The following LDB2 variants were observed in gnomAD, a reference collection of about 807,000 sequenced individuals.
LDB2 encodes LIM domain binding 2.
Under a neutral mutation model 44.3 loss-of-function variants are expected in LDB2, and 12 were observed. The observed-to-expected ratio is 0.27, with a 90% CI of 0.17 to 0.44. LDB2 has a LOEUF of 0.44. Ranked by LOEUF, LDB2 falls within the 20% of genes least tolerant of loss-of-function variation. The pLI is 1.00. For missense variants in LDB2, 344 were observed against 473.5 expected (o/e 0.73, Z 2.54); for synonymous variants, 164 against 174.8 (o/e 0.94, Z 0.49).
At chr4:16,681,644 T>C (rs1196698734) in intron 2 of LDB2, among the ~76,000 whole-genome samples, 1 of 98,588 alleles carries the variant, frequency 1.0e-5, no homozygotes, top group Non-Finnish European at 2.2e-5. Flanking sequence ...TTTTTTTTTT[T>C]GCGACAGAGT....
chr4:16,843,611 T>C (rs892779900), intron 1 of LDB2, among the ~76,000 whole-genome samples: 5 of 152,208 alleles, frequency 3.3e-5, no homozygotes, highest in African/African-American at 1.2e-4. Flanking sequence ...TTTATAAATT[T>C]GTATTTCTTT....
At chr4:16,782,011 G>C (rs1342153048) in intron 1 of LDB2, among the ~76,000 whole-genome samples, 2 of 152,222 alleles carry the variant, frequency 1.3e-5, no homozygotes, top group African/African-American at 4.8e-5. Context: ...AACTGCGAGA[G>C]AGTGAATTTC....
intron 5 of LDB2, among the ~76,000 whole-genome samples, chr4:16,513,940 C>T (rs1722730888): frequency 6.6e-6 from 1 of 152,164 alleles, no homozygotes; most frequent in Admixed American, 6.5e-5. Context: ...TAAGAGCTGA[C>T]CATAAAGAAA....
At chr4:16,674,677 A>C (rs1214672294) in intron 2 of LDB2, among the ~76,000 whole-genome samples, 1 of 152,194 alleles carries the variant, frequency 6.6e-6, no homozygotes, top group Admixed American at 6.5e-5. Context: ...ATTTTCTATT[A>C]CATCAGTTGG....
At chr4:16,787,362 C>T (rs764769314) in intron 1 of LDB2, among the ~76,000 whole-genome samples, 3 of 152,074 alleles carry the variant, frequency 2.0e-5, no homozygotes, top group Non-Finnish European at 4.4e-5. Flanking sequence ...CCTGTAATCC[C>T]AGCATTTTGG....
At chr4:16,538,455 T>TGA (rs998846353) in intron 5 of LDB2, among the ~76,000 whole-genome samples, 1 of 122,878 alleles carries the variant, frequency 8.1e-6, no homozygotes, top group African/African-American at 2.9e-5. Context: ...CAAAACACAA[T>TGA]GACCAAGATT....
chr4:16,687,564 T>G (rs1018819873), intron 2 of LDB2, among the ~76,000 whole-genome samples: 1 of 152,114 alleles, frequency 6.6e-6, no homozygotes, highest in African/African-American at 2.4e-5. Context: ...ATGGAAATAA[T>G]AATAAAGAAG....
At chr4:16,725,887 GTATA>G (rs58989204) in intron 2 of LDB2, among the ~76,000 whole-genome samples, 2,893 of 146,114 alleles carry the variant, frequency 0.02, 84 homozygotes, top group African/African-American at 0.067. Context: ...ATATTTATGT[GTATA>G]TATATATATA....
At chr4:16,893,548 T>G (rs1420860167) in intron 1 of LDB2, among the ~76,000 whole-genome samples, 1 of 152,064 alleles carries the variant, frequency 6.6e-6, no homozygotes, top group East Asian at 1.9e-4. Context: ...GTTTTAGAGT[T>G]GAGCTGAGAA....
rs577425784 is a variant in LDB2 at position 16,593,659 on chromosome 4, T to C, written c.408+2044A>G. On this transcript the variant is annotated intron_variant, in intron 3 of 7. Transcript: ENST00000304523. ...TTCAAGAGTCGGCAAATATACTTCC[T>C]TGGAGTCGCATCAGATGGGTGGTCC... 7.2e-5 allele frequency among the ~76,000 whole-genome samples: 11 copies of C among 152,288 alleles called. No individual in the cohort carries two copies. The South Asian group carries it at 2.3e-3, about 32-fold the overall frequency.
chr4:16,591,093 T>C (rs1468209426), intron 3 of LDB2, among the ~76,000 whole-genome samples: 1 of 152,174 alleles, frequency 6.6e-6, no homozygotes, highest in African/African-American at 2.4e-5. Context: ...TATAATCCTT[T>C]TTAAAGGGGG....
intron 2 of LDB2, among the ~76,000 whole-genome samples, chr4:16,646,856 A>C (rs1241262226): frequency 4.6e-5 from 7 of 152,224 alleles, no homozygotes; most frequent in Non-Finnish European, 8.8e-5. Context: ...TATTAATAGA[A>C]AAGGGGAAAA....
rs1254187320 is a variant in LDB2 at position 16,739,752 on chromosome 4, A to G, written c.235+19406T>C. 1.0e-4 allele frequency among the ~76,000 whole-genome samples: 14 copies of G among 138,062 alleles called. 4 individuals are homozygous for G. Among genetic ancestry groups the G allele is most frequent in the African/African-American group, 3.7e-4 (14 of 37,812 alleles). The allele number at this position is 138,062 out of a possible 152,430, so 90.6% of individuals were successfully genotyped here. On this transcript the variant is annotated intron_variant, in intron 2 of 7. Transcript: ENST00000304523. ...TATGTGTATATACATACATATACAT[A>G]TATATATAACTATTCTTAATGAAAT... is the stretch of plus-strand genomic sequence containing the variant.
At chr4:16,723,154 G>A (rs1172937375) in intron 2 of LDB2, among the ~76,000 whole-genome samples, 1 of 152,172 alleles carries the variant, frequency 6.6e-6, no homozygotes, top group Non-Finnish European at 1.5e-5. Context: ...GAGAAAGAAT[G>A]TTTAAGAATA....
intron 5 of LDB2, among the ~76,000 whole-genome samples, chr4:16,534,259 T>C (rs987127164): frequency 4.6e-5 from 7 of 152,198 alleles, no homozygotes; most frequent in African/African-American, 1.7e-4. Flanking sequence ...GTGATTAATA[T>C]CCTCGATGTT....
chr4:16,646,344 A>G (rs928562742), intron 2 of LDB2, among the ~76,000 whole-genome samples: 6 of 152,210 alleles, frequency 3.9e-5, no homozygotes, highest in African/African-American at 1.2e-4. Context: ...TAACTGTGGA[A>G]TATTAGATCC....
intron 5 of LDB2, among the ~76,000 whole-genome samples, chr4:16,518,072 A>G (rs1226478470): frequency 1.3e-5 from 2 of 152,240 alleles, no homozygotes; most frequent in Non-Finnish European, 2.9e-5. Flanking sequence ...GCTTTGCACA[A>G]TGCATATGTA....
intron 5 of LDB2, among the ~76,000 whole-genome samples, chr4:16,517,776 C>T (rs1343142511): frequency 2.0e-5 from 3 of 152,208 alleles, no homozygotes; most frequent in African/African-American, 7.2e-5. Flanking sequence ...TTAGGTTGAG[C>T]TTGCTCTCCT....
intron 2 of LDB2, among the ~76,000 whole-genome samples, chr4:16,664,080 G>A (rs12650302): frequency 0.6 from 91,351 of 151,878 alleles, 27,619 homozygotes; most frequent in Middle Eastern, 0.69. Context: ...ATAGTCTGAA[G>A]GTCTGTGTCC....
Sources: allele counts gnomAD v4.1 joint callset (sites outside exome capture counted in the v4.1 genomes callset), GRCh38; gene constraint gnomAD v4.1.1; transcripts MANE v1.5; gene names NCBI Gene and HGNC (gene_info 2026-07-23, HGNC 2026-07-21).